The following TBX18 variants were observed in gnomAD, a reference collection of about 807,000 sequenced individuals.
TBX18 encodes the protein T-box transcription factor TBX18.
Under a neutral mutation model 55.0 loss-of-function variants are expected in TBX18, and 21 were observed. That is an observed-to-expected ratio of 0.38 (90% CI 0.27 to 0.55). The LOEUF is 0.55. Ranked by LOEUF, TBX18 falls within the 20% of genes least tolerant of loss-of-function variation. The probability of loss-of-function intolerance (pLI) is 0.73; values close to 1 mark genes in which losing one functional copy is unlikely to be tolerated. For missense variants in TBX18, 840 were observed against 799.6 expected (o/e 1.05, Z -0.61); for synonymous variants, 342 against 326.1 (o/e 1.05, Z -0.53).
chr6:84,734,925 A>C lies in TBX18; in HGVS notation c.*1760T>G, dbSNP rs1486053943. The C allele has an allele frequency of 6.6e-6, 1 of 152,228 alleles. No individual in the cohort carries two copies. The highest frequency in any genetic ancestry group is 1.5e-5 in the Non-Finnish European group (1 of 68,038). 9.4% of individuals were successfully genotyped at this position (152,228 alleles called of 1,614,324 possible). On this transcript the variant is annotated 3_prime_UTR_variant, in exon 8 of 8. Transcript: ENST00000369663. ...CTTCATGCTAGTTTTAAATTTAAAA[A>C]TTTAATACTAATTTGATGAACTGCT...
chr6:84,756,627 T>C, intron 4 of TBX18, 71 bp downstream of exon 4: 1 of 1,412,890 alleles, frequency 7.1e-7, no homozygotes, highest in Non-Finnish European at 9.8e-7. Flanking sequence ...AAGCATTCAT[T>C]TCCTTTAGTC....
At chr6:84,744,534 T>C (rs1767131042) in intron 5 of TBX18, among the ~76,000 whole-genome samples, 1 of 152,202 alleles carries the variant, frequency 6.6e-6, no homozygotes, top group Non-Finnish European at 1.5e-5. Context: ...CTAAAAAAGA[T>C]ACTTCACTCC....
chr6:84,756,668 A>G lies in TBX18; in HGVS notation c.771+30T>C, dbSNP rs1427271210. The G allele has an allele frequency of 1.9e-6, 3 of 1,606,536 alleles. No individual in the cohort carries two copies. In the African/African-American group the frequency reaches 4.0e-5, roughly 21 times the overall value. On this transcript the variant is annotated intron_variant, in intron 4 of 7. Transcript: ENST00000369663. ...CAGTGTAGATGTGGCTGTGCCATCT[A>G]CAGATGCATTAGAGAGGCCATCTAC...
chr6:84,755,040 CACACGCACACACACAA>C (rs1338923463), intron 4 of TBX18, among the ~76,000 whole-genome samples: 2 of 152,070 alleles, frequency 1.3e-5, no homozygotes, highest in African/African-American at 4.8e-5. Context: ...TCCCTCTCTA[CACACGCACACACACAA>C]ACACGCACAC....
Position 84,737,089 on chromosome 6 carries a change from C to A in TBX18, c.1420G>T (p.Asp474Tyr). 6.2e-7 allele frequency: 1 copy of A among 1,614,180 alleles called. No individual in the cohort carries two copies. The highest frequency in any genetic ancestry group is 8.5e-7 in the Non-Finnish European group (1 of 1,180,028). The change falls in exon 8 of 8, where the codon GAT (aspartate) becomes TAT (tyrosine). Residue 474 changes from aspartate to tyrosine, a missense_variant. Asp to Tyr is a radical substitution (Grantham distance 160). Transcript: ENST00000369663. ...TGTGGGCAGCTGAAGGTGTCCCCAT[C>A]AGTGCCACCCATGGACATGTTCACG... ...TSVNMSMGGT[D>Y]GDTFSCPQTS...
intron 3 of TBX18, among the ~76,000 whole-genome samples, chr6:84,759,850 G>A (rs1309060484): frequency 7.3e-5 from 11 of 151,328 alleles, no homozygotes; most frequent in Non-Finnish European, 1.5e-5. Context: ...CAAGATAAAG[G>A]AAATTTACAT....
chr6:84,740,865 G>C (rs1285201974), intron 6 of TBX18, among the ~76,000 whole-genome samples: 2 of 152,182 alleles, frequency 1.3e-5, no homozygotes, highest in Non-Finnish European at 2.9e-5. Context: ...ACTGGACTTA[G>C]AAACTGACTA....
intron 4 of TBX18, among the ~76,000 whole-genome samples, chr6:84,749,735 G>C (rs1767291824): frequency 6.6e-6 from 1 of 151,988 alleles, no homozygotes; most frequent in African/African-American, 2.4e-5. Flanking sequence ...GAATTTTAAT[G>C]ACCCATTAGT....
rs148161246 is a variant in TBX18 at position 84,738,217 on chromosome 6, G to A, written c.1099+280C>T. 3.6e-3 allele frequency among the ~76,000 whole-genome samples: 551 copies of A among 152,208 alleles called. 3 individuals are homozygous for A. Among genetic ancestry groups the A allele is most frequent in the African/African-American group, 0.01 (428 of 41,518 alleles). ...CAACAATTTCTTGTGAACAGGACCT[G>A]GCATCAGAGCACCTCTAATTTTAAT... On this transcript the variant is annotated intron_variant, in intron 7 of 7. Transcript: ENST00000369663.
chr6:84,751,842 T>G (rs1020599180), intron 4 of TBX18, among the ~76,000 whole-genome samples: 30 of 152,204 alleles, frequency 2.0e-4, no homozygotes, highest in African/African-American at 7.0e-4. Flanking sequence ...GGCTCTGAGG[T>G]GGGCAGGGGC....
chr6:84,745,653 T>G (rs1169777017), intron 5 of TBX18, among the ~76,000 whole-genome samples: 1 of 152,130 alleles, frequency 6.6e-6, no homozygotes, highest in African/African-American at 2.4e-5. Flanking sequence ...TCTTTACAGA[T>G]CAATATAGCT....
chr6:84,763,786 T>A, intron 1 of TBX18, 104 bp downstream of exon 1: 1 of 1,417,544 alleles, frequency 7.1e-7, no homozygotes, highest in Non-Finnish European at 9.1e-7. Context: ...AGTGGCTGAG[T>A]GGCCTTGGCC....
intron 4 of TBX18, among the ~76,000 whole-genome samples, chr6:84,755,637 T>C (rs1767467321): frequency 6.6e-6 from 1 of 152,346 alleles, no homozygotes; most frequent in African/African-American, 2.4e-5. Flanking sequence ...TGTTACTTTT[T>C]TATTTCCATT....
At chr6:84,738,431 T>A in intron 7 of TBX18, 66 bp downstream of exon 7, 1 of 1,215,898 alleles carries the variant, frequency 8.2e-7, no homozygotes, top group South Asian at 1.2e-5. Flanking sequence ...ACTTGTACAC[T>A]TTTAGTGCCT....
intron 3 of TBX18, among the ~76,000 whole-genome samples, chr6:84,757,984 G>A (rs1277133228): frequency 1.3e-5 from 2 of 152,044 alleles, no homozygotes; most frequent in African/African-American, 2.4e-5. Flanking sequence ...TTTTCAGAAC[G>A]TCTCTGATGA....
chr6:84,752,364 A>G (rs1767372887), intron 4 of TBX18, among the ~76,000 whole-genome samples: 1 of 152,208 alleles, frequency 6.6e-6, no homozygotes, highest in South Asian at 2.1e-4. Flanking sequence ...CAATCAAAGG[A>G]CCAACAAGAA....
rs1447313766 is a variant in TBX18, at chr6:84,763,888, AC to A, written c.292+1del. The A allele has an allele frequency of 6.7e-7, 1 of 1,499,764 alleles. No homozygotes were observed. The allele number at this position is 1,499,764 out of a possible 1,614,324, so 92.9% of individuals were successfully genotyped here. ...GTTATAGGCAGGAAGGGGCCCACTC[AC>A]CCGCGGCTCCGCGCTCCAGGTCTGC... is the stretch of plus-strand genomic sequence containing the variant. On this transcript the variant is annotated splice_donor_variant, in intron 1 of 7. Transcript: ENST00000369663. LOFTEE classifies it high-confidence loss of function.
rs1036850288 is a variant in TBX18 at position 84,756,898 on chromosome 6, T to C, written c.600-29A>G. ...GAAGGCAATGACCAGGCGTTCAGTATACTGTTTTTATCTTGGCATGTCCAA... is the reference window on the plus strand; with the variant it reads ...GAAGGCAATGACCAGGCGTTCAGTACACTGTTTTTATCTTGGCATGTCCAA... On this transcript the variant is annotated intron_variant, in intron 3 of 7. Transcript: ENST00000369663. The C allele has an allele frequency of 5.6e-6, 9 of 1,607,208 alleles. No individual in the cohort carries two copies. The Admixed American group carries it at 1.0e-4, about 18-fold the overall frequency.
rs1234323422 is a variant in TBX18, at chr6:84,736,768, C to A, written c.1741G>T (p.Gly581Trp). ...PVEGVHLLSS[G>W]GQQSFFDSRT... ...GAGTCAAAGAAACTCTGCTGACCCC[C>A]ACTGCTAAGCAGGTGCACTCCTTCC... Residue 581 changes from glycine to tryptophan, a missense_variant, in exon 8 of 8, where the codon GGG becomes TGG. Physicochemically the swap from Gly to Trp is radical, Grantham distance 184. Transcript: ENST00000369663. 4 of 1,613,778 alleles carry A rather than the reference C, an allele frequency of 2.5e-6. No homozygotes were observed. The Admixed American group carries it at 6.7e-5, about 27-fold the overall frequency.
Sources: gnomAD v4.1 joint callset for allele counts (sites outside exome capture counted in the v4.1 genomes callset) on GRCh38, gnomAD v4.1.1 for gene constraint, MANE v1.5 for transcripts, NCBI Gene and HGNC (gene_info 2026-07-23, HGNC 2026-07-21) for gene names.